SNAP29: variants seen among roughly 807,000 people sequenced by gnomAD.
SNAP29 encodes the protein synaptosome associated protein 29.
In SNAP29, 13 loss-of-function variants were observed where a neutral mutation model predicts 27.9. The ratio of observed to expected loss-of-function variants is 0.47; its 90% CI spans 0.30 to 0.74. The LOEUF is 0.74. Among genes scored for constraint, SNAP29 ranks in the 30% least tolerant of loss-of-function variants. SNAP29 has a pLI of 0.06. For missense variants in SNAP29, 368 were observed against 336.5 expected (o/e 1.09, Z -0.73); for synonymous variants, 119 against 127.1 (o/e 0.94, Z 0.43).
intron 1 of SNAP29, among the ~76,000 whole-genome samples, chr22:20,863,844 T>C (rs1928393372): frequency 6.6e-6 from 1 of 152,080 alleles, no homozygotes. Flanking sequence ...ATGCCGTGGA[T>C]AAAAATGGGT....
chr22:20,859,264 A>G lies in SNAP29; in HGVS notation c.154A>G (p.Arg52Gly), dbSNP rs964065905. ...GTACTTGCGGCAGGAGGTCCTCCGC[A>G]GGGCTGAGGCCACGGCCGCCAGCAC... Reference protein sequence around the residue: ...QQYLRQEVLRRAEATAASTSR... With the variant: ...QQYLRQEVLRGAEATAASTSR... Residue 52 changes from arginine to glycine, a missense_variant, in exon 1 of 5, where the codon AGG (arginine) becomes GGG (glycine). By Grantham distance (125) the Arg-to-Gly change is moderately radical. Coordinates refer to ENST00000215730, the MANE Select transcript of SNAP29 (RefSeq NM_004782.4). 5 of 1,607,438 alleles carry G rather than the reference A, an allele frequency of 3.1e-6. No individual in the cohort carries two copies. Among genetic ancestry groups the G allele is most frequent in the African/African-American group, 2.7e-5 (2 of 74,886 alleles).
chr22:20,886,213 T>C (rs165806), intron 4 of SNAP29, among the ~76,000 whole-genome samples: 58,378 of 151,584 alleles, frequency 0.39, 11,737 homozygotes, highest in East Asian at 0.49. Context: ...GTCTCCAACT[T>C]CTGGGCTCAA....
In SNAP29 at chr22:20,870,537, A is replaced by G. The variant is rs1928566941; in HGVS notation, c.434+4A>G. 1 of 1,613,336 alleles carries G rather than the reference A, an allele frequency of 6.2e-7. No homozygotes were observed. On this transcript the variant is annotated splice_donor_region_variant and intron_variant, in intron 2 of 4. Coordinates refer to ENST00000215730, the MANE Select transcript of SNAP29 (RefSeq NM_004782.4). ...TCACCTCCCAGCCCAACAACAGGTG[A>G]GTGCATCTTCTACCATCTGGGTATA...
chr22:20,886,651 G>A (rs1184019342), intron 4 of SNAP29, among the ~76,000 whole-genome samples: 2 of 151,096 alleles, frequency 1.3e-5, no homozygotes, highest in Non-Finnish European at 2.9e-5. Flanking sequence ...TTGCTCTGTC[G>A]CCCAGGTTGG....
At chr22:20,871,838 T>C (rs1338187314) in intron 2 of SNAP29, among the ~76,000 whole-genome samples, 9 of 151,754 alleles carry the variant, frequency 5.9e-5, no homozygotes, top group African/African-American at 9.7e-5. Context: ...GCTGAGATCA[T>C]GCCACTGCAC....
At chr22:20,860,858 G>A (rs1344179661) in intron 1 of SNAP29, among the ~76,000 whole-genome samples, 2 of 149,720 alleles carry the variant, frequency 1.3e-5, no homozygotes, top group Non-Finnish European at 2.9e-5. Flanking sequence ...GACCAGCAGG[G>A]GTAACTGCGT....
chr22:20,882,494 A>G (rs1483042243), intron 3 of SNAP29, among the ~76,000 whole-genome samples: 4 of 152,156 alleles, frequency 2.6e-5, no homozygotes, highest in Non-Finnish European at 2.9e-5. Context: ...ACGATACACC[A>G]TGGAAGCTCT....
rs529396876 is a variant in SNAP29, at chr22:20,877,568, T to C, written c.435-3481T>C. Among the ~76,000 whole-genome samples, 21 of 150,394 alleles carry C rather than the reference T, an allele frequency of 1.4e-4. No individual in the cohort carries two copies. The South Asian group carries it at 3.8e-3, about 27-fold the overall frequency. ...CAGAACTCCCTCTAAAAAAAAAAAT[T>C]AGCCGGGCGTAGTGGCGCTCACCTA... On this transcript the variant is annotated intron_variant, in intron 2 of 4. Coordinates refer to ENST00000215730, the MANE Select transcript of SNAP29 (RefSeq NM_004782.4).
At chr22:20,881,418 G>C (rs1008619342) in intron 3 of SNAP29, among the ~76,000 whole-genome samples, 1 of 152,196 alleles carries the variant, frequency 6.6e-6, no homozygotes, top group Non-Finnish European at 1.5e-5. Flanking sequence ...GAGCCTGCCC[G>C]GCCAGCCTGG....
chr22:20,888,228 T>C lies in SNAP29; in HGVS notation c.*392T>C, dbSNP rs1929066459. ...TATTTCTCATTCCTAAGCCTTACCA[T>C]GAGTCAGAGTGTTAAGGGGGCCTGT... On this transcript the variant is annotated 3_prime_UTR_variant, in exon 5 of 5. Transcript: ENST00000215730. 1 of 324,364 alleles carries C rather than the reference T, an allele frequency of 3.1e-6. No individual in the cohort carries two copies. The highest frequency in any genetic ancestry group is 5.9e-6 in the Non-Finnish European group (1 of 168,678). 20.1% of individuals were successfully genotyped at this position (324,364 alleles called of 1,614,324 possible). A position where few individuals can be genotyped will look rare whatever the true frequency, so the allele number is the denominator to read the frequency against.
chr22:20,866,905 C>T (rs900214398), intron 1 of SNAP29, among the ~76,000 whole-genome samples: 1 of 152,170 alleles, frequency 6.6e-6, no homozygotes, highest in African/African-American at 2.4e-5. Context: ...GGAGAGGTGA[C>T]TCTGTGTGTG....
At chr22:20,875,276 C>T (rs16988883) in intron 2 of SNAP29, among the ~76,000 whole-genome samples, 10,396 of 152,190 alleles carry the variant, frequency 0.068, 352 homozygotes, top group East Asian at 0.08. Flanking sequence ...GATGCGTTCC[C>T]GTCAAGGTCC....
intron 4 of SNAP29, among the ~76,000 whole-genome samples, chr22:20,886,550 C>G (rs1659919842): frequency 6.6e-6 from 1 of 151,944 alleles, no homozygotes; most frequent in Non-Finnish European, 1.5e-5. Flanking sequence ...CTCAAGTGAT[C>G]CACCCACCTC....
At chr22:20,863,464 G>C (rs1928381613) in intron 1 of SNAP29, among the ~76,000 whole-genome samples, 1 of 152,206 alleles carries the variant, frequency 6.6e-6, no homozygotes, top group Admixed American at 6.5e-5. Context: ...CTAGCAAAGA[G>C]AGCTGCCCTT....
At chr22:20,866,179 T>G (rs1037673534) in intron 1 of SNAP29, among the ~76,000 whole-genome samples, 3 of 152,230 alleles carry the variant, frequency 2.0e-5, no homozygotes, top group Admixed American at 6.5e-5. Context: ...CAGGTTGGCC[T>G]GCACACAGAC....
Position 20,859,025 on chromosome 22 carries a change from G to T in SNAP29, c.-86G>T. 7.2e-7 allele frequency: 1 copy of T among 1,386,932 alleles called. No homozygotes were observed. Among genetic ancestry groups the T allele is most frequent in the Non-Finnish European group, 9.9e-7 (1 of 1,013,554 alleles). 85.9% of individuals were successfully genotyped at this position (1,386,932 alleles called of 1,614,324 possible). On this transcript the variant is annotated 5_prime_UTR_variant, in exon 1 of 5. Coordinates refer to ENST00000215730, the MANE Select transcript of SNAP29 (RefSeq NM_004782.4). ...GGAAGGAGTTCGCGCGACGACCGCG[G>T]GGTCGGCGGGCGGGGCGAGGCCCTG... is the stretch of plus-strand genomic sequence containing the variant.
At position 20,889,471 on chromosome 22, in the gene SNAP29, T is replaced by C. The variant is rs972431403; in HGVS notation, c.*1635T>C. ...CCATCCCAGGGTGTGAGGGCCTGAT[T>C]AAAGCTTATCGAACTAGACATTTGT... On this transcript the variant is annotated 3_prime_UTR_variant, in exon 5 of 5. Coordinates refer to ENST00000215730, the MANE Select transcript of SNAP29 (RefSeq NM_004782.4). The C allele has an allele frequency of 2.0e-5, 3 of 152,224 alleles. No homozygotes were observed. The highest frequency in any genetic ancestry group is 2.9e-5 in the Non-Finnish European group (2 of 68,046). The allele number at this position is 152,224 out of a possible 1,614,324, so 9.4% of individuals were successfully genotyped here. A position where few individuals can be genotyped will look rare whatever the true frequency, so the allele number is the denominator to read the frequency against.
chr22:20,886,591 G>A (rs1929020859), intron 4 of SNAP29, among the ~76,000 whole-genome samples: 1 of 151,242 alleles, frequency 6.6e-6, no homozygotes, highest in South Asian at 2.1e-4. Flanking sequence ...TTACAGGCAT[G>A]AGCCACCACA....
At chr22:20,869,578 A>G (rs2147863597) in intron 1 of SNAP29, among the ~76,000 whole-genome samples, 1 of 152,298 alleles carries the variant, frequency 6.6e-6, no homozygotes, top group East Asian at 1.9e-4. Flanking sequence ...GGATTTGACC[A>G]TGGCCAGGAG....
Sources: allele counts gnomAD v4.1 joint callset (sites outside exome capture counted in the v4.1 genomes callset), GRCh38; gene constraint gnomAD v4.1.1; transcripts MANE v1.5; gene names NCBI Gene and HGNC (gene_info 2026-07-23, HGNC 2026-07-21).